GIP: variants seen among roughly 807,000 people sequenced by gnomAD.
GIP encodes gastric inhibitory polypeptide.
Under a neutral mutation model 18.1 loss-of-function variants are expected in GIP, and 16 were observed. The ratio of observed to expected loss-of-function variants is 0.88; its 90% CI spans 0.60 to 1.34. GIP has a LOEUF of 1.34. Ranked by LOEUF, GIP falls within the 40% of genes most tolerant of loss-of-function variation. The pLI is 0.00. For missense variants in GIP, 192 were observed against 183.4 expected (o/e 1.05, Z -0.27); for synonymous variants, 76 against 74.0 (o/e 1.03, Z -0.14).
At position 48,960,880 on chromosome 17, in the gene GIP, C is replaced by G. The variant is rs1426319315; in HGVS notation, c.452+6G>C. ...AGAACCGCTGTGCAACACCACACTC[C>G]CCTACCTGAGCCTGCAGAGGTTTGT... On this transcript the variant is annotated splice_donor_region_variant and intron_variant, in intron 5 of 5. Coordinates refer to ENST00000357424, the MANE Select transcript of GIP (RefSeq NM_004123.3). 7.1e-6 allele frequency: 11 copies of G among 1,555,058 alleles called. No homozygotes were observed.
At chr17:48,959,308 A>G (rs575293242) in intron 5 of GIP, among the ~76,000 whole-genome samples, 1 of 152,138 alleles carries the variant, frequency 6.6e-6, no homozygotes, top group South Asian at 2.1e-4. Context: ...CATTTTAATG[A>G]TAAGTAATCA....
rs576092291 is a variant in GIP at position 48,967,216 on chromosome 17, G to A, written c.17C>T (p.Thr6Ile). Residue 6 changes from threonine (T) to isoleucine (I), a missense_variant, in exon 2 of 6, where the codon ACC (threonine) becomes ATC (isoleucine). Transcript: ENST00000357424. Reference protein sequence around the residue: MVATKTFALLLLSLFL... With the variant: MVATKIFALLLLSLFL... ...CAGGGACAGCAGCAGCAGAGCAAAG[G>A]TCTTCGTGGCCACCATCTTCCAAGG... The A allele has an allele frequency of 1.2e-6, 2 of 1,613,968 alleles. No individual in the cohort carries two copies. Among genetic ancestry groups the A allele is most frequent in the African/African-American group, 1.3e-5 (1 of 75,022 alleles).
Position 48,960,877 on chromosome 17 carries a change from CT to C in GIP, c.452+8del. 1 of 1,544,206 alleles carries C rather than the reference CT, an allele frequency of 6.5e-7. No homozygotes were observed. Among genetic ancestry groups the C allele is most frequent in the Non-Finnish European group, 8.9e-7 (1 of 1,128,852 alleles). The stretch of plus-strand genomic sequence containing the variant: ...GTTAGAACCGCTGTGCAACACCACA[CT>C]CCCCTACCTGAGCCTGCAGAGGTTT... On this transcript the variant is annotated splice_region_variant and intron_variant, in intron 5 of 5. Transcript: ENST00000357424.
At chr17:48,958,760 G>T in intron 5 of GIP, 44 bp from the exon 6 acceptor site, 1 of 1,548,130 alleles carries the variant, frequency 6.5e-7, no homozygotes, top group Non-Finnish European at 8.8e-7. Flanking sequence ...TATGGACTTG[G>T]AGTCGGCCAA....
At chr17:48,965,440 TA>T (rs1374600047) in intron 2 of GIP, among the ~76,000 whole-genome samples, 2 of 143,338 alleles carry the variant, frequency 1.4e-5, no homozygotes, top group Admixed American at 1.4e-4. Flanking sequence ...CCGTCTCTAC[TA>T]AAAATACAAA....
chr17:48,963,575 G>A (rs1167368757), intron 3 of GIP, among the ~76,000 whole-genome samples: 1 of 151,294 alleles, frequency 6.6e-6, no homozygotes, highest in Admixed American at 6.6e-5. Flanking sequence ...CAGAAGAATC[G>A]CTTGAACCCA....
At chr17:48,961,990 G>T (rs1400981682) in intron 3 of GIP, among the ~76,000 whole-genome samples, 171 bp from the exon 4 acceptor site, 1 of 152,180 alleles carries the variant, frequency 6.6e-6, no homozygotes, top group Non-Finnish European at 1.5e-5. Flanking sequence ...AGAATCTACC[G>T]TGCTGACCAG....
intron 3 of GIP, among the ~76,000 whole-genome samples, chr17:48,963,104 C>T (rs1425029511): frequency 1.3e-5 from 2 of 151,028 alleles, no homozygotes; most frequent in East Asian, 3.9e-4. Context: ...AAAAAAAATC[C>T]GTCTCAAAAA....
chr17:48,964,822 C>T (rs1045697200), intron 2 of GIP, among the ~76,000 whole-genome samples: 4 of 152,086 alleles, frequency 2.6e-5, no homozygotes, highest in Admixed American at 2.0e-4. Flanking sequence ...GGAGAAATCC[C>T]GTCTCTACTA....
chr17:48,967,068 C>T, intron 2 of GIP, 79 bp downstream of exon 2: 2 of 1,064,216 alleles, frequency 1.9e-6, no homozygotes, highest in Admixed American at 1.8e-5. Flanking sequence ...CCTTTCTCAT[C>T]TCCCCCTAGA....
At chr17:48,965,912 A>G (rs2041233589) in intron 2 of GIP, among the ~76,000 whole-genome samples, 1 of 152,124 alleles carries the variant, frequency 6.6e-6, no homozygotes. Flanking sequence ...CGTATAGGTA[A>G]CAGATCCAGG....
At chr17:48,963,759 A>G (rs1338625586) in intron 3 of GIP, among the ~76,000 whole-genome samples, 1 of 135,118 alleles carries the variant, frequency 7.4e-6, no homozygotes, top group African/African-American at 2.8e-5. Context: ...GCTTGAATCC[A>G]GGAGGTGGAG....
Position 48,967,298 on chromosome 17 carries a change from G to C in GIP, c.-21-45C>G, listed in dbSNP as rs1354776338. On this transcript the variant is annotated intron_variant, in intron 1 of 5. Coordinates refer to ENST00000357424, the MANE Select transcript of GIP (RefSeq NM_004123.3). ...GGACATGTTGAGAGAGCAACCAGTAGGGGTTCTGAAAGCTGGAGAGGGGCA... is the reference window on the plus strand; with the variant it reads ...GGACATGTTGAGAGAGCAACCAGTACGGGTTCTGAAAGCTGGAGAGGGGCA... 5 of 1,308,630 alleles carry C rather than the reference G, an allele frequency of 3.8e-6. No homozygotes were observed. The East Asian group carries it at 1.2e-4, about 30-fold the overall frequency. The allele number at this position is 1,308,630 out of a possible 1,614,324, so 81.1% of individuals were successfully genotyped here.
chr17:48,964,607 T>C, intron 2 of GIP, 127 bp from the exon 3 acceptor site: 1 of 728,536 alleles, frequency 1.4e-6, no homozygotes, highest in Non-Finnish European at 2.3e-6. Context: ...AGACTCCCTG[T>C]GGATCCACTC....
intron 3 of GIP, among the ~76,000 whole-genome samples, chr17:48,963,841 C>CAA (rs60257330): frequency 0.14 from 5,169 of 35,664 alleles, 1,055 homozygotes; most frequent in East Asian, 0.82. Context: ...AACTCTGTCT[C>CAA]AAAAAAAAAA....
At chr17:48,963,529 G>A (rs6504588) in intron 3 of GIP, among the ~76,000 whole-genome samples, 16 of 150,524 alleles carry the variant, frequency 1.1e-4, no homozygotes, top group Non-Finnish European at 2.2e-4. Flanking sequence ...GTATGGTGGC[G>A]CGTACCTGTA....
At position 48,964,535 on chromosome 17, in the gene GIP, G is replaced by A; in HGVS notation, c.87-55C>T. 5 of 1,478,850 alleles carry A rather than the reference G, an allele frequency of 3.4e-6. No individual in the cohort carries two copies. In the South Asian group the frequency reaches 5.9e-5, roughly 17 times the overall value. The allele number at this position is 1,478,850 out of a possible 1,614,324, so 91.6% of individuals were successfully genotyped here. On this transcript the variant is annotated intron_variant, in intron 2 of 5. Transcript: ENST00000357424. ...AGATGGGGGGAGAATCACAATGCTA[G>A]GGTAAATGACTGTCACTAACAGGAG...
At chr17:48,962,750 T>C (rs1304096791) in intron 3 of GIP, among the ~76,000 whole-genome samples, 1 of 152,104 alleles carries the variant, frequency 6.6e-6, no homozygotes, top group Non-Finnish European at 1.5e-5. Flanking sequence ...CCTTGCTTCA[T>C]CCTCAGACCC....
chr17:48,967,105 A>C, intron 2 of GIP, 42 bp downstream of exon 2: 1 of 1,409,820 alleles, frequency 7.1e-7, no homozygotes, highest in Non-Finnish European at 1.0e-6. Context: ...GTCATCCCCT[A>C]ACCCCTCCTC....
Sources: allele counts gnomAD v4.1 joint callset (sites outside exome capture counted in the v4.1 genomes callset), GRCh38; gene constraint gnomAD v4.1.1; transcripts MANE v1.5; gene names NCBI Gene and HGNC (gene_info 2026-07-23, HGNC 2026-07-21).